TIAM1: variants seen among roughly 807,000 people sequenced by gnomAD.
TIAM1 encodes TIAM Rac1 associated GEF 1.
A neutral mutation model predicts 163.5 loss-of-function variants in TIAM1; 65 were observed. That is an observed-to-expected ratio of 0.40 (90% CI 0.33 to 0.49). The LOEUF (loss-of-function observed/expected upper bound fraction) is 0.49. Ranked by LOEUF, TIAM1 falls within the 20% of genes least tolerant of loss-of-function variation. The probability of loss-of-function intolerance (pLI) is 0.77; values close to 1 mark genes in which losing one functional copy is unlikely to be tolerated. For synonymous variants in TIAM1, 833 were observed against 810.1 expected, an observed-to-expected ratio of 1.03 and a Z score of -0.48; for missense variants, 1,789 against 2,044.7, an observed-to-expected ratio of 0.87 and a Z score of 2.41.
intron 1 of TIAM1, among the ~76,000 whole-genome samples, chr21:31,536,344 G>T (rs2123251056): frequency 6.6e-6 from 1 of 152,316 alleles, no homozygotes; most frequent in East Asian, 1.9e-4. Context: ...TGAGATGACT[G>T]CCCTTACCCA....
intron 4 of TIAM1, among the ~76,000 whole-genome samples, chr21:31,257,908 C>T (rs1013673418): frequency 6.6e-6 from 1 of 151,284 alleles, no homozygotes; most frequent in Non-Finnish European, 1.5e-5. Flanking sequence ...ACCTCCACCC[C>T]ACCCCAGCCA....
intron 17 of TIAM1, among the ~76,000 whole-genome samples, chr21:31,153,712 CATAT>C (rs10547949): frequency 0.31 from 46,524 of 150,320 alleles, 7,738 homozygotes; most frequent in African/African-American, 0.43. Context: ...ACAACACATA[CATAT>C]ATATATATAT....
intron 2 of TIAM1, among the ~76,000 whole-genome samples, chr21:31,453,859 A>G (rs2044982101): frequency 6.6e-6 from 1 of 151,874 alleles, no homozygotes; most frequent in Admixed American, 6.6e-5. Flanking sequence ...GGCCTGCTTG[A>G]CCTCGCTGAA....
At chr21:31,321,898 C>A (rs927033765) in intron 2 of TIAM1, among the ~76,000 whole-genome samples, 1 of 151,728 alleles carries the variant, frequency 6.6e-6, no homozygotes, top group Admixed American at 6.6e-5. Flanking sequence ...ACTAAAAATA[C>A]AAAAATTAGC....
chr21:31,274,104 A>G (rs896230398), intron 3 of TIAM1, among the ~76,000 whole-genome samples: 17 of 152,224 alleles, frequency 1.1e-4, no homozygotes, highest in African/African-American at 3.1e-4. Flanking sequence ...TCCCAGCTCT[A>G]CTTGGGAGGC....
At position 31,308,772 on chromosome 21, in the gene TIAM1, G is replaced by A. The variant is rs1031554460; in HGVS notation, c.-189+30471C>T. Among the ~76,000 whole-genome samples the A allele has an allele frequency of 5.3e-5, 8 of 152,234 alleles. 1 individual carries two copies. Among genetic ancestry groups the A allele is most frequent in the African/African-American group, 1.7e-4 (7 of 41,546 alleles). On this transcript the variant is annotated intron_variant, in intron 2 of 27. Coordinates refer to ENST00000541036, the MANE Select transcript of TIAM1 (RefSeq NM_001353694.2). ...AGCCAGCTGCCAGAGGCCAACAGACGCCAGGACAAGGAGTTTGAACTTGAT... is the reference window on the plus strand; with the variant it reads ...AGCCAGCTGCCAGAGGCCAACAGACACCAGGACAAGGAGTTTGAACTTGAT...
chr21:31,551,056 CA>C (rs1390851581), intron 1 of TIAM1, among the ~76,000 whole-genome samples: 2 of 150,890 alleles, frequency 1.3e-5, no homozygotes, highest in African/African-American at 2.4e-5. Flanking sequence ...ACTAAAAATA[CA>C]AAAAAAATTA....
intron 2 of TIAM1, among the ~76,000 whole-genome samples, chr21:31,434,393 G>A (rs564720740): frequency 2.6e-5 from 4 of 152,256 alleles, no homozygotes; most frequent in South Asian, 2.1e-4. Context: ...GAGGGAACTC[G>A]AGCAGAATCT....
chr21:31,480,898 C>T (rs1018867548), intron 1 of TIAM1, among the ~76,000 whole-genome samples: 2 of 152,182 alleles, frequency 1.3e-5, no homozygotes, highest in Admixed American at 1.3e-4. Context: ...TGATTACAGA[C>T]ATGAGCCCCC....
chr21:31,222,377 A>C (rs2087606560), intron 8 of TIAM1, among the ~76,000 whole-genome samples: 5 of 152,164 alleles, frequency 3.3e-5, no homozygotes. Flanking sequence ...AGGAGCCAAA[A>C]GTACACAAAG....
chr21:31,468,657 T>C (rs1275433018), intron 1 of TIAM1, among the ~76,000 whole-genome samples: 1 of 151,898 alleles, frequency 6.6e-6, no homozygotes, highest in Non-Finnish European at 1.5e-5. Context: ...GTGCCTGTTG[T>C]CCCAGTGACT....
chr21:31,495,508 A>G (rs996993267), intron 1 of TIAM1, among the ~76,000 whole-genome samples: 12 of 152,190 alleles, frequency 7.9e-5, no homozygotes, highest in Non-Finnish European at 1.6e-4. Context: ...ACGGCAGAGG[A>G]GCCTCCACAG....
At chr21:31,445,172 AAC>A (rs10603925) in intron 2 of TIAM1, among the ~76,000 whole-genome samples, 124,601 of 151,888 alleles carry the variant, frequency 0.82, 51,461 homozygotes, top group East Asian at 0.91. Context: ...TAATGTGAGA[AAC>A]AGTCTATGAT....
intron 1 of TIAM1, among the ~76,000 whole-genome samples, chr21:31,508,038 C>A (rs1195859923): frequency 6.6e-6 from 1 of 152,172 alleles, no homozygotes; most frequent in Non-Finnish European, 1.5e-5. Context: ...TGGACACAGA[C>A]AGACATGGGG....
intron 27 of TIAM1, chr21:31,124,291 A>G: frequency 2.3e-6 from 1 of 440,364 alleles, no homozygotes; most frequent in Non-Finnish European, 3.8e-6. Context: ...GAAGGGAGGC[A>G]AAGGGAAGGC....
chr21:31,199,314 G>A (rs1351927539), intron 12 of TIAM1, among the ~76,000 whole-genome samples: 1 of 152,114 alleles, frequency 6.6e-6, no homozygotes, highest in Admixed American at 6.5e-5. Flanking sequence ...CTGCCATAGT[G>A]AGCCTTTCAA....
intron 2 of TIAM1, among the ~76,000 whole-genome samples, chr21:31,402,776 C>T (rs955446878): frequency 2.6e-4 from 40 of 151,902 alleles, no homozygotes; most frequent in African/African-American, 8.5e-4. Flanking sequence ...GGTGAAACCC[C>T]GTCTCTACTA....
intron 19 of TIAM1, among the ~76,000 whole-genome samples, chr21:31,150,401 G>A (rs1193105569): frequency 6.6e-6 from 1 of 152,134 alleles, no homozygotes; most frequent in Admixed American, 6.5e-5. Flanking sequence ...TAGAAGGCAG[G>A]CAAAGTGTAT....
chr21:31,254,741 C>T (rs546772460), intron 4 of TIAM1, among the ~76,000 whole-genome samples: 1 of 152,270 alleles, frequency 6.6e-6, no homozygotes, highest in African/African-American at 2.4e-5. Context: ...CCATGCCTTC[C>T]CCCTTTTCTT....
Sources: allele counts gnomAD v4.1 joint callset (sites outside exome capture counted in the v4.1 genomes callset), GRCh38; gene constraint gnomAD v4.1.1; transcripts MANE v1.5; gene names NCBI Gene and HGNC (gene_info 2026-07-23, HGNC 2026-07-21).